The following STX7 variants were observed in gnomAD, a reference collection of about 807,000 sequenced individuals.
STX7 encodes syntaxin 7, also known as syntaxin-7.
A neutral mutation model predicts 39.6 loss-of-function variants in STX7; 34 were observed. The observed-to-expected ratio is 0.86, with a 90% CI of 0.65 to 1.14. The LOEUF (loss-of-function observed/expected upper bound fraction) is 1.14. STX7 is among the 50% of genes most tolerant of loss of function. The pLI, the probability that STX7 is intolerant of heterozygous loss-of-function variation, is 0.00. For missense variants in STX7, 284 were observed against 310.4 expected (o/e 0.92, Z 0.64); for synonymous variants, 119 against 99.1 (o/e 1.20, Z -1.19).
Position 132,448,892 on chromosome 6 carries a change from A to ATAAGTTATT in STX7, c.*11857_*11865dup, listed in dbSNP as rs1774080452. 6.7e-6 allele frequency: 1 copy of ATAAGTTATT among 149,912 alleles called. No homozygotes were observed. Among genetic ancestry groups the ATAAGTTATT allele is most frequent in the South Asian group, 2.1e-4 (1 of 4,720 alleles). 9.3% of individuals were successfully genotyped at this position (149,912 alleles called of 1,614,324 possible). On this transcript the variant is annotated 3_prime_UTR_variant, in exon 10 of 10. Coordinates refer to ENST00000367941, the MANE Select transcript of STX7 (RefSeq NM_003569.3). ...CAATTCGTTATTCCTTTAAAAGTGG[A>ATAAGTTATT]TAAGTTATTCTGGCTGCTTTTAAGA...
intron 1 of STX7, among the ~76,000 whole-genome samples, chr6:132,509,524 A>T (rs116330022): frequency 0.023 from 3,424 of 149,226 alleles, 332 homozygotes; most frequent in African/African-American, 0.08. Flanking sequence ...TAAAATAAAA[A>T]AAGACAAAAG....
intron 9 of STX7, 142 bp from the exon 10 acceptor site, chr6:132,460,992 T>A: frequency 1.6e-6 from 1 of 637,630 alleles, no homozygotes; most frequent in South Asian, 2.3e-5. Flanking sequence ...TTGACTGTGT[T>A]TTTTTGTTCC....
intron 8 of STX7, among the ~76,000 whole-genome samples, chr6:132,467,997 T>C (rs1774604983): frequency 6.6e-6 from 1 of 152,192 alleles, no homozygotes; most frequent in South Asian, 2.1e-4. Flanking sequence ...TATTCCCTAA[T>C]ACCTAAAAGA....
chr6:132,468,278 A>G (rs1354127650), intron 8 of STX7, 125 bp downstream of exon 8: 1 of 718,910 alleles, frequency 1.4e-6, no homozygotes, highest in Non-Finnish European at 2.5e-6. Context: ...TTTATAGACC[A>G]TGCTTTTGGT....
At chr6:132,467,925 T>C (rs1270964972) in intron 8 of STX7, among the ~76,000 whole-genome samples, 1 of 152,184 alleles carries the variant, frequency 6.6e-6, no homozygotes, top group East Asian at 1.9e-4. Context: ...AACTTCTATG[T>C]AATACTACTA....
intron 1 of STX7, among the ~76,000 whole-genome samples, chr6:132,509,109 C>T (rs76593777): frequency 0.023 from 3,503 of 152,212 alleles, 75 homozygotes; most frequent in African/African-American, 0.044. Flanking sequence ...TTTTTAAACA[C>T]TAAGCCATAC....
chr6:132,475,734 T>C (rs940659196), intron 2 of STX7, 72 bp from the exon 3 acceptor site: 3 of 1,018,034 alleles, frequency 2.9e-6, no homozygotes, highest in Non-Finnish European at 2.9e-6. Context: ...AAAATTAATA[T>C]GTACAAGCAA....
chr6:132,503,983 A>T (rs1002015250), intron 1 of STX7, among the ~76,000 whole-genome samples: 2 of 152,234 alleles, frequency 1.3e-5, no homozygotes, highest in Admixed American at 6.5e-5. Context: ...TATTTAAAAC[A>T]ACTCTTAGCA....
Position 132,457,038 on chromosome 6 carries a change from C to T in STX7, c.*3720G>A, listed in dbSNP as rs1198313465. On this transcript the variant is annotated 3_prime_UTR_variant, in exon 10 of 10. Coordinates refer to ENST00000367941, the MANE Select transcript of STX7 (RefSeq NM_003569.3). ...CAGCTGGGGACAGCTCCCTGAGACA[C>T]ACTGTCAGTGCTGCACGCCAACAGC... 6.6e-6 allele frequency: 1 copy of T among 152,300 alleles called. No homozygotes were observed. Among genetic ancestry groups the T allele is most frequent in the African/African-American group, 2.4e-5 (1 of 41,458 alleles). 9.4% of individuals were successfully genotyped at this position (152,300 alleles called of 1,614,324 possible). A position where few individuals can be genotyped will look rare whatever the true frequency, so the allele number is the denominator to read the frequency against.
rs1218372141 is a variant in STX7, at chr6:132,447,049, G to A, written c.*13709C>T. The A allele has an allele frequency of 2.0e-5, 3 of 152,092 alleles. No homozygotes were observed. The highest frequency in any genetic ancestry group is 4.4e-5 in the Non-Finnish European group (3 of 68,008). The allele number at this position is 152,092 out of a possible 1,614,324, so 9.4% of individuals were successfully genotyped here. On this transcript the variant is annotated 3_prime_UTR_variant, in exon 10 of 10. Coordinates refer to ENST00000367941, the MANE Select transcript of STX7 (RefSeq NM_003569.3). Reference sequence around the variant, plus strand: ...ACTTCTATTTTTATGATGGCTCAGCGGAAAATTAGTAAATACAACCAGTGT... The same window carrying A: ...ACTTCTATTTTTATGATGGCTCAGCAGAAAATTAGTAAATACAACCAGTGT...
At position 132,490,634 on chromosome 6, in the gene STX7, C is replaced by T. The variant is rs567139607; in HGVS notation, c.85+12812G>A. ...TGAGCAGGAAGCCGTATGGGTGGGG[C>T]GGAGAATAACCGGGGTTGCAGAGCT... On this transcript the variant is annotated intron_variant, in intron 2 of 9. Coordinates refer to ENST00000367941, the MANE Select transcript of STX7 (RefSeq NM_003569.3). Among the ~76,000 whole-genome samples, 26 of 152,112 alleles carry T rather than the reference C, an allele frequency of 1.7e-4. 1 individual carries two copies. In the South Asian group the frequency reaches 5.0e-3, roughly 29 times the overall value.
chr6:132,475,356 T>A, intron 3 of STX7: 1 of 272,594 alleles, frequency 3.7e-6, no homozygotes, highest in Non-Finnish European at 6.8e-6. Context: ...ACTCCTGAAC[T>A]TGTGATCTGC....
chr6:132,461,626 T>TGTTTCCAAAATACAATGATTTTGGAATGA, intron 9 of STX7: 4 of 542,940 alleles, frequency 7.4e-6, no homozygotes, highest in East Asian at 6.2e-5. Flanking sequence ...ACATATTTCT[T>TGTTTCCAAAATACAATGATTTTGGAATGA]GTTTCCAAAA....
rs900568155 is a variant in STX7, at chr6:132,446,864, G to C, written c.*13894C>G. The C allele has an allele frequency of 6.6e-6, 1 of 152,108 alleles. No individual in the cohort carries two copies. The highest frequency in any genetic ancestry group is 2.4e-5 in the African/African-American group (1 of 41,430). The allele number at this position is 152,108 out of a possible 1,614,324, so 9.4% of individuals were successfully genotyped here. ...AATGCTATTAGGCTGACTGATTTAT[G>C]TAAAGCAGTGCCTATCATTTCTGCA... On this transcript the variant is annotated 3_prime_UTR_variant, in exon 10 of 10. Coordinates refer to ENST00000367941, the MANE Select transcript of STX7 (RefSeq NM_003569.3).
rs751054972 is a variant in STX7 at position 132,458,999 on chromosome 6, A to C, written c.*1759T>G. 7 of 152,200 alleles carry C rather than the reference A, an allele frequency of 4.6e-5. No homozygotes were observed. Among genetic ancestry groups the C allele is most frequent in the Non-Finnish European group, 7.3e-5 (5 of 68,030 alleles). 9.4% of individuals were successfully genotyped at this position (152,200 alleles called of 1,614,324 possible). A position where few individuals can be genotyped will look rare whatever the true frequency, so the allele number is the denominator to read the frequency against. ...CATTTTATCAAGTACAGCAAAAAAA[A>C]CGGAACTGATTGTGAAAGCCATGGG... On this transcript the variant is annotated 3_prime_UTR_variant, in exon 10 of 10. Transcript: ENST00000367941.
chr6:132,483,196 G>A (rs1427009104), intron 2 of STX7, among the ~76,000 whole-genome samples: 1 of 152,112 alleles, frequency 6.6e-6, no homozygotes, highest in Non-Finnish European at 1.5e-5. Context: ...ATCTGCAGAT[G>A]CTCAAGTTTC....
chr6:132,490,389 AAC>A (rs1775249048), intron 2 of STX7, among the ~76,000 whole-genome samples: 1 of 152,178 alleles, frequency 6.6e-6, no homozygotes, highest in Admixed American at 6.5e-5. Flanking sequence ...CTGTTTCTAA[AAC>A]ACTGAAAATC....
At chr6:132,463,934 C>T in intron 9 of STX7, 59 bp downstream of exon 9, 1 of 975,118 alleles carries the variant, frequency 1.0e-6, no homozygotes, top group South Asian at 1.7e-5. Flanking sequence ...TCAACACAAA[C>T]ACACACACAC....
intron 1 of STX7, among the ~76,000 whole-genome samples, chr6:132,510,322 A>C (rs991951104): frequency 6.6e-6 from 1 of 152,256 alleles, no homozygotes; most frequent in African/African-American, 2.4e-5. Context: ...CATTGTACAC[A>C]TCTACTGATG....
Sources: allele counts gnomAD v4.1 joint callset (sites outside exome capture counted in the v4.1 genomes callset), GRCh38; gene constraint gnomAD v4.1.1; transcripts MANE v1.5; gene names NCBI Gene and HGNC (gene_info 2026-07-23, HGNC 2026-07-21).